Variants in USP24 observed in about 807,000 individuals in gnomAD.
The protein encoded by USP24 is ubiquitin specific peptidase 24.
A neutral mutation model predicts 361.6 loss-of-function variants in USP24; 97 were observed. The observed-to-expected ratio is 0.27, with a 90% CI of 0.23 to 0.32. The LOEUF is 0.32. USP24 is among the 10% of genes least tolerant of loss of function. The probability of loss-of-function intolerance (pLI) is 1.00; values close to 1 mark genes in which losing one functional copy is unlikely to be tolerated. For missense variants in USP24, 2,353 were observed against 3,165.6 expected (o/e 0.74, Z 6.16); for synonymous variants, 1,098 against 1,124.6 (o/e 0.98, Z 0.47).
At chr1:55,089,829 C>G in intron 54 of USP24, 89 bp from the exon 55 acceptor site, 1 of 861,714 alleles carries the variant, frequency 1.2e-6, no homozygotes, top group Non-Finnish European at 1.8e-6. Context: ...CTTATCCTTT[C>G]TATCTATGAA....
At position 55,094,138 on chromosome 1, in the gene USP24, C is replaced by CT. The variant is rs1570385644; in HGVS notation, c.6204-52_6204-51insA. On this transcript the variant is annotated intron_variant, in intron 51 of 67. Transcript: ENST00000294383. ...GTCTAGTATAAAGTGGCTATTTTTTCAGTAGTTACTAAGACTTGCCAAATT... is the reference window on the plus strand; with the variant it reads ...GTCTAGTATAAAGTGGCTATTTTTTCTAGTAGTTACTAAGACTTGCCAAATT... 3.2e-5 allele frequency: 49 copies of CT among 1,548,540 alleles called. No individual in the cohort carries two copies. The East Asian group carries it at 1.1e-3, about 35-fold the overall frequency.
Position 55,122,725 on chromosome 1 carries a change from T to A in USP24, c.4276+722A>T, listed in dbSNP as rs992436558. Among the ~76,000 whole-genome samples the A allele has an allele frequency of 2.6e-5, 4 of 152,204 alleles. No individual in the cohort carries two copies. In the South Asian group the frequency reaches 8.3e-4, roughly 32 times the overall value. On this transcript the variant is annotated intron_variant, in intron 36 of 67. Coordinates refer to ENST00000294383, the MANE Select transcript of USP24 (RefSeq NM_015306.3). ...GGGGGTGAAAAAAAGATATCAAAGA[T>A]GAAGCCAAGGTTTTTGGCCAGAGCA... is the stretch of plus-strand genomic sequence containing the variant.
chr1:55,167,767 G>A (rs1357815873), intron 5 of USP24, among the ~76,000 whole-genome samples: 1 of 152,138 alleles, frequency 6.6e-6, no homozygotes, highest in Non-Finnish European at 1.5e-5. Flanking sequence ...CTTTATTCAA[G>A]GAATGAATCC....
At chr1:55,141,844 G>T in intron 23 of USP24, 113 bp from the exon 24 acceptor site, 1 of 940,226 alleles carries the variant, frequency 1.1e-6, no homozygotes, top group Non-Finnish European at 1.7e-6. Context: ...ATTCACTGTA[G>T]GATGTTTAAC....
chr1:55,067,566 G>A lies in USP24; in HGVS notation c.*1479C>T, dbSNP rs889712286. 1 of 152,268 alleles carries A rather than the reference G, an allele frequency of 6.6e-6. No homozygotes were observed. Among genetic ancestry groups the A allele is most frequent in the East Asian group, 1.9e-4 (1 of 5,198 alleles). 9.4% of individuals were successfully genotyped at this position (152,268 alleles called of 1,614,324 possible). A position where few individuals can be genotyped will look rare whatever the true frequency, so the allele number is the denominator to read the frequency against. On this transcript the variant is annotated 3_prime_UTR_variant, in exon 68 of 68. Transcript: ENST00000294383. ...ATGAAAAGACTGGGCCATGGCGAGA[G>A]CACAGTAATGAGATGCCATCTGCCT...
chr1:55,128,930 G>A (rs1029554258), intron 32 of USP24, among the ~76,000 whole-genome samples: 3 of 151,586 alleles, frequency 2.0e-5, no homozygotes, highest in South Asian at 2.1e-4. Context: ...ATGTCGCCCC[G>A]TACGATCTCA....
intron 54 of USP24, among the ~76,000 whole-genome samples, chr1:55,090,958 G>A (rs115574790): frequency 0.017 from 2,613 of 152,144 alleles, 70 homozygotes; most frequent in African/African-American, 0.06. Flanking sequence ...GGTGGCGCAC[G>A]CCCATAGTCC....
At chr1:55,192,717 C>T (rs1644321237) in intron 1 of USP24, among the ~76,000 whole-genome samples, 1 of 152,168 alleles carries the variant, frequency 6.6e-6, no homozygotes, top group Non-Finnish European at 1.5e-5. Context: ...CTGATATTCC[C>T]TGTTAATTCA....
In USP24 at chr1:55,092,085, C is replaced by T; in HGVS notation, c.6492G>A (p.Val2164=). 1.9e-6 allele frequency: 3 copies of T among 1,612,682 alleles called. No homozygotes were observed. The highest frequency in any genetic ancestry group is 2.5e-6 in the Non-Finnish European group (3 of 1,179,332). ...GGAATTGAATAGCAAGCTGTAAGCT[C>T]ACCTTTGCCATGCAAGGATAATATG... ...KHPYYPCMAK[V]SLQLAIQFLF... Residue 2164 remains valine (V), a synonymous_variant, in exon 54 of 68, where the codon GTG becomes GTA. Transcript: ENST00000294383.
chr1:55,139,977 T>C (rs1429706936), intron 24 of USP24, among the ~76,000 whole-genome samples: 1 of 152,064 alleles, frequency 6.6e-6, no homozygotes, highest in Non-Finnish European at 1.5e-5. Flanking sequence ...GACAGTATTA[T>C]GAAATACTGT....
intron 47 of USP24, 77 bp from the exon 48 acceptor site, chr1:55,097,794 C>T: frequency 1.3e-6 from 2 of 1,503,514 alleles, no homozygotes; most frequent in Non-Finnish European, 1.8e-6. Context: ...GTAATTAATG[C>T]AAAGGCCTTT....
intron 67 of USP24, chr1:55,071,435 C>A: frequency 9.9e-7 from 1 of 1,011,552 alleles, no homozygotes; most frequent in Non-Finnish European, 1.2e-6. Flanking sequence ...GCTTTTCTTT[C>A]AAGAGTCCAC....
intron 3 of USP24, among the ~76,000 whole-genome samples, chr1:55,175,494 G>A (rs1649888559): frequency 6.6e-6 from 1 of 152,094 alleles, no homozygotes; most frequent in African/African-American, 2.4e-5. Context: ...CCAAGGTGCT[G>A]GGATTACAGG....
At chr1:55,159,526 A>G (rs1207044816) in intron 9 of USP24, 85 bp downstream of exon 9, 3 of 1,130,240 alleles carry the variant, frequency 2.7e-6, no homozygotes, top group East Asian at 5.2e-5. Flanking sequence ...TTCAAAGAGC[A>G]TGGTGTGTGA....
At chr1:55,173,200 A>G (rs1217267399) in intron 3 of USP24, among the ~76,000 whole-genome samples, 17 of 152,172 alleles carry the variant, frequency 1.1e-4, no homozygotes. Context: ...AATCTTAGAA[A>G]TATCTTAACA....
intron 1 of USP24, among the ~76,000 whole-genome samples, chr1:55,207,015 C>G (rs893882017): frequency 6.6e-6 from 1 of 151,900 alleles, no homozygotes; most frequent in Admixed American, 6.6e-5. Context: ...AAAAAGAATA[C>G]AAAAATTGGC....
In USP24 at chr1:55,125,504, T is replaced by G. The variant is rs1165047773; in HGVS notation, c.3776A>C (p.Asp1259Ala). The change falls in exon 34 of 68, where the codon GAC (aspartate) becomes GCC (alanine). Residue 1259 changes from aspartate (D) to alanine (A), a missense_variant. Physicochemically the swap from Asp to Ala is moderately radical, Grantham distance 126. Transcript: ENST00000294383. ...TGCTTCTATACCATCTTTGGTGAGGTCTTCATCTAATAACGTGGGCATTGT... is the reference window on the plus strand; with the variant it reads ...TGCTTCTATACCATCTTTGGTGAGGGCTTCATCTAATAACGTGGGCATTGT... ...GQTMPTLLDE[D>A]LTKDGIEALS... The G allele has an allele frequency of 6.2e-7, 1 of 1,613,836 alleles. No individual in the cohort carries two copies. The highest frequency in any genetic ancestry group is 2.2e-5 in the East Asian group (1 of 44,886).
chr1:55,215,101 C>G lies in USP24; in HGVS notation c.13G>C (p.Glu5Gln). 7.7e-7 allele frequency: 1 copy of G among 1,302,866 alleles called. No homozygotes were observed. The highest frequency in any genetic ancestry group is 1.5e-5 in the African/African-American group (1 of 66,416). The allele number at this position is 1,302,866 out of a possible 1,614,324, so 80.7% of individuals were successfully genotyped here. MESE[E>Q]EQHMTTLLCM... ...AGCAGCGTGGTCATGTGCTGCTCCT[C>G]CTCCGATTCCATGGCTTGGGCCTCC... The change falls in exon 1 of 68, where the codon GAG becomes CAG. Residue 5 changes from glutamate (E) to glutamine (Q), a missense_variant. Transcript: ENST00000294383.
At chr1:55,131,594 C>T (rs970343413) in intron 31 of USP24, among the ~76,000 whole-genome samples, 8 of 152,050 alleles carry the variant, frequency 5.3e-5, no homozygotes, top group Non-Finnish European at 8.8e-5. Context: ...GTCATCACAC[C>T]TTGAAGCAGT....
Sources: allele counts gnomAD v4.1 joint callset (sites outside exome capture counted in the v4.1 genomes callset), GRCh38; gene constraint gnomAD v4.1.1; transcripts MANE v1.5; gene names NCBI Gene and HGNC (gene_info 2026-07-23, HGNC 2026-07-21).